TLN2: variants seen among roughly 807,000 people sequenced by gnomAD.
The protein encoded by TLN2 is talin-2.
Under a neutral mutation model 294.7 loss-of-function variants are expected in TLN2, and 118 were observed. That is an observed-to-expected ratio of 0.40 (90% confidence interval 0.34 to 0.47). TLN2 has a LOEUF of 0.47. Ranked by LOEUF, TLN2 falls within the 20% of genes least tolerant of loss-of-function variation. The pLI, the probability that TLN2 is intolerant of heterozygous loss-of-function variation, is 0.84. For missense variants in TLN2, 3,083 were observed against 3,282.2 expected (o/e 0.94, Z 1.48); for synonymous variants, 1,431 against 1,304.5 (o/e 1.10, Z -2.09).
chr15:62,815,177 T>TCTCACACACACACACACACACACACA (rs1349363288), intron 52 of TLN2, among the ~76,000 whole-genome samples: 1 of 140,592 alleles, frequency 7.1e-6, no homozygotes, highest in African/African-American at 2.8e-5. Flanking sequence ...ATTCTGTCTG[T>TCTCACACACACACACACACACACACA]CACACACACA....
At chr15:62,833,861 T>C (rs540396093) in intron 55 of TLN2, 2 of 465,400 alleles carry the variant, frequency 4.3e-6, no homozygotes, top group East Asian at 7.1e-5. Flanking sequence ...AAGCATCCCA[T>C]TCCAGGCAGT....
chr15:62,712,148 G>T (rs1021100103), intron 22 of TLN2, 71 bp downstream of exon 22: 35 of 1,553,780 alleles, frequency 2.3e-5, no homozygotes, highest in Non-Finnish European at 3.1e-5. Flanking sequence ...GTACTTTCCA[G>T]ATGGGGCATG....
intron 1 of TLN2, among the ~76,000 whole-genome samples, chr15:62,401,821 A>T (rs2033043370): frequency 6.6e-6 from 1 of 151,926 alleles, no homozygotes; most frequent in Admixed American, 6.5e-5. Flanking sequence ...CTTTTCCTCT[A>T]CCCTGCTTCA....
intron 2 of TLN2, among the ~76,000 whole-genome samples, chr15:62,611,875 T>A (rs1426340122): frequency 6.6e-6 from 1 of 152,176 alleles, no homozygotes; most frequent in Non-Finnish European, 1.5e-5. Flanking sequence ...GGCTATCTCA[T>A]GATTTTTGTG....
In TLN2 at chr15:62,689,058, TTC is replaced by T. The variant is rs758277235; in HGVS notation, c.1113+2272_1113+2273del. On this transcript the variant is annotated intron_variant, in intron 12 of 58. Coordinates refer to ENST00000636159, the MANE Select transcript of TLN2 (RefSeq NM_015059.3). Reference sequence around the variant, plus strand: ...TAGTTTTTCTGTTTGTCCACTTTATTTCTCTCTCTCTTTTTTTTTTTTTTTTT... The same window carrying T: ...TAGTTTTTCTGTTTGTCCACTTTATTTCTCTCTCTTTTTTTTTTTTTTTTT... Among the ~76,000 whole-genome samples, 379 of 150,346 alleles carry T rather than the reference TTC, an allele frequency of 2.5e-3. 1 individual carries two copies. The highest frequency in any genetic ancestry group is 0.01 in the Middle Eastern group (3 of 292).
At chr15:62,576,140 C>A (rs115243003) in intron 1 of TLN2, among the ~76,000 whole-genome samples, 6,422 of 151,956 alleles carry the variant, frequency 0.042, 463 homozygotes, top group African/African-American at 0.15. Flanking sequence ...ATTGGCAGGG[C>A]ATATTCAAGG....
intron 1 of TLN2, among the ~76,000 whole-genome samples, chr15:62,411,719 C>G (rs1380277343): frequency 1.3e-5 from 2 of 152,092 alleles, no homozygotes; most frequent in Non-Finnish European, 2.9e-5. Flanking sequence ...GCTGCCAGGA[C>G]TTAGGCCCTA....
intron 1 of TLN2, among the ~76,000 whole-genome samples, chr15:62,428,159 T>C (rs2140283835): frequency 6.6e-6 from 1 of 152,312 alleles, no homozygotes; most frequent in East Asian, 1.9e-4. Context: ...TAAGGTTTAA[T>C]AGTTCATAAA....
At chr15:62,457,767 A>C (rs890708349) in intron 1 of TLN2, among the ~76,000 whole-genome samples, 19 of 152,180 alleles carry the variant, frequency 1.2e-4, no homozygotes, top group African/African-American at 4.1e-4. Flanking sequence ...GCTGGTTGGC[A>C]GGCGAGGGAG....
At chr15:62,432,476 TC>T (rs2035059482) in intron 1 of TLN2, among the ~76,000 whole-genome samples, 1 of 152,198 alleles carries the variant, frequency 6.6e-6, no homozygotes, top group African/African-American at 2.4e-5. Flanking sequence ...GTTGGAGCTC[TC>T]TTGACCTAAA....
chr15:62,459,442 C>A (rs1181122334), intron 1 of TLN2, among the ~76,000 whole-genome samples: 1 of 151,758 alleles, frequency 6.6e-6, no homozygotes, highest in African/African-American at 2.4e-5. Flanking sequence ...AGTAACGATA[C>A]CTGTATACTA....
At chr15:62,593,994 T>C (rs968489774) in intron 2 of TLN2, among the ~76,000 whole-genome samples, 4 of 152,178 alleles carry the variant, frequency 2.6e-5, no homozygotes, top group Non-Finnish European at 5.9e-5. Flanking sequence ...GAAACATCTG[T>C]ATGAAACCAC....
intron 1 of TLN2, among the ~76,000 whole-genome samples, chr15:62,407,995 T>C (rs188254475): frequency 6.6e-6 from 1 of 152,068 alleles, no homozygotes; most frequent in African/African-American, 2.4e-5. Context: ...GGCATTTCAA[T>C]CTGTAGAGCC....
intron 21 of TLN2, among the ~76,000 whole-genome samples, chr15:62,709,720 T>TTTTTTTC (rs150340385): frequency 0.33 from 49,521 of 148,412 alleles, 9,629 homozygotes; most frequent in African/African-American, 0.55. Context: ...TTAAAGACTT[T>TTTTTTTC]TTTTTTCTTT....
intron 1 of TLN2, among the ~76,000 whole-genome samples, chr15:62,446,968 C>T (rs577360858): frequency 7.0e-6 from 1 of 143,312 alleles, no homozygotes; most frequent in African/African-American, 2.4e-5. Context: ...ATCAGTTCTG[C>T]AAGAAGTTAA....
chr15:62,630,400 A>C (rs2049682452), intron 3 of TLN2, among the ~76,000 whole-genome samples: 1 of 152,026 alleles, frequency 6.6e-6, no homozygotes, highest in African/African-American at 2.4e-5. Context: ...ACTCCCTGAT[A>C]TTTTTGCTTT....
intron 1 of TLN2, among the ~76,000 whole-genome samples, chr15:62,477,246 T>G (rs1351215042): frequency 2.0e-5 from 3 of 152,238 alleles, no homozygotes; most frequent in African/African-American, 7.2e-5. Context: ...TGGGTGGGCC[T>G]GAGAGTCTGC....
intron 1 of TLN2, among the ~76,000 whole-genome samples, chr15:62,501,984 A>G (rs957573729): frequency 1.3e-5 from 2 of 152,138 alleles, no homozygotes; most frequent in Non-Finnish European, 2.9e-5. Context: ...AGTGGGTTGG[A>G]TACCACTGCA....
At chr15:62,731,175 C>T (rs1286210698) in intron 28 of TLN2, among the ~76,000 whole-genome samples, 1 of 151,940 alleles carries the variant, frequency 6.6e-6, no homozygotes, top group Non-Finnish European at 1.5e-5. Context: ...TGCTGGAATT[C>T]TGTATATTGT....
Sources: gnomAD v4.1 joint callset for allele counts (sites outside exome capture counted in the v4.1 genomes callset) on GRCh38, gnomAD v4.1.1 for gene constraint, MANE v1.5 for transcripts, NCBI Gene and HGNC (gene_info 2026-07-23, HGNC 2026-07-21) for gene names.